Variants in DST observed in about 807,000 individuals in gnomAD.
DST encodes the protein bullous pemphigoid antigen.
DST carries 253 observed loss-of-function variants against 875.2 expected under a neutral mutation model. The ratio of observed to expected loss-of-function variants is 0.29; its 90% CI spans 0.26 to 0.32. The LOEUF (loss-of-function observed/expected upper bound fraction) is 0.32. Among genes scored for constraint, DST ranks in the 10% least tolerant of loss-of-function variants. The pLI is 1.00. For synonymous variants in DST, 3,124 were observed against 3,197.1 expected (o/e 0.98, Z 0.77); for missense variants, 8,287 against 9,111.6 (o/e 0.91, Z 3.68).
intron 4 of DST, among the ~76,000 whole-genome samples, chr6:56,751,356 T>C (rs895095984): frequency 8.5e-5 from 13 of 152,334 alleles, no homozygotes; most frequent in African/African-American, 3.1e-4. Context: ...TATGCCAATA[T>C]AACATTAGTA....
intron 49 of DST, among the ~76,000 whole-genome samples, chr6:56,590,716 C>T (rs1176127221): frequency 6.6e-6 from 1 of 152,176 alleles, no homozygotes; most frequent in Non-Finnish European, 1.5e-5. Flanking sequence ...CATCATCTCC[C>T]TAGTGTCCAG....
chr6:56,830,505 T>A (rs1033540182), intron 4 of DST, among the ~76,000 whole-genome samples: 3 of 152,340 alleles, frequency 2.0e-5, no homozygotes, highest in Middle Eastern at 3.4e-3. Context: ...TTCCATATTT[T>A]CCCCAAGTAC....
Position 56,460,246 on chromosome 6 carries a change from T to C in DST, c.23079A>G (p.Pro7693=), listed in dbSNP as rs370496665. The C allele has an allele frequency of 1.4e-4, 228 of 1,613,886 alleles. No homozygotes were observed. Among genetic ancestry groups the C allele is most frequent in the Non-Finnish European group, 1.8e-4 (208 of 1,179,882 alleles). Reference sequence around the variant, plus strand: ...GAAGTCGAAGCTTGCTTCCTTGTATTGGCGTTCCCTGTATTTAACCAGCAA... The same window carrying C: ...GAAGTCGAAGCTTGCTTCCTTGTATCGGCGTTCCCTGTATTTAACCAGCAA... ...DFPVPSAEGT[P]IQGSKLRLPG... is the part of the protein sequence containing the mutation. The change falls in exon 103 of 104, where the codon CCA becomes CCG. Residue 7693 remains proline (P), a synonymous_variant. Coordinates refer to ENST00000680361, the MANE Select transcript of DST (RefSeq NM_001374736.1).
intron 4 of DST, among the ~76,000 whole-genome samples, chr6:56,746,765 A>T (rs575092936): frequency 3.9e-5 from 6 of 152,184 alleles, no homozygotes; most frequent in Non-Finnish European, 8.8e-5. Context: ...ACTGTGAGGG[A>T]AAAATGTGTT....
At chr6:56,868,618 C>T (rs1022499730) in intron 3 of DST, among the ~76,000 whole-genome samples, 7 of 151,890 alleles carry the variant, frequency 4.6e-5, no homozygotes, top group Admixed American at 2.0e-4. Context: ...TTGTTAACTA[C>T]CAAAAACAAA....
chr6:56,792,077 A>G (rs35566812), intron 4 of DST, among the ~76,000 whole-genome samples: 25,293 of 152,118 alleles, frequency 0.17, 2,344 homozygotes, highest in Non-Finnish European at 0.19. Context: ...ACAGAAGCCA[A>G]CTTCAAAAGG....
chr6:56,516,565 T>C (rs900155368), intron 71 of DST, among the ~76,000 whole-genome samples: 1 of 152,132 alleles, frequency 6.6e-6, no homozygotes, highest in African/African-American at 2.4e-5. Flanking sequence ...GCATAGAGAT[T>C]CCTATTTTTT....
At position 56,607,389 on chromosome 6, in the gene DST, C is replaced by G. The variant is rs2098507870; in HGVS notation, c.7239G>C (p.Val2413=). 1 of 1,612,662 alleles carries G rather than the reference C, an allele frequency of 6.2e-7. No homozygotes were observed. The highest frequency in any genetic ancestry group is 1.3e-5 in the African/African-American group (1 of 75,022). ...TATTATCTTCATTCTCTGTTTCATT[C>G]ACACCACAGAATTTACTCATTTTTG... ...MKSKMSKFCG[V]NETENEDNTN... The change falls in exon 40 of 104, where the codon GTG becomes GTC. Residue 2413 remains valine (V), a synonymous_variant. Transcript: ENST00000680361.
intron 10 of DST, among the ~76,000 whole-genome samples, chr6:56,655,995 G>A: frequency 6.6e-6 from 1 of 152,190 alleles, no homozygotes; most frequent in East Asian, 1.9e-4. Flanking sequence ...AACTTTTGAG[G>A]ATTAAATAAA....
chr6:56,778,152 C>CT, intron 4 of DST, among the ~76,000 whole-genome samples: 1 of 152,034 alleles, frequency 6.6e-6, no homozygotes, highest in Non-Finnish European at 1.5e-5. Context: ...TAGCATAGTT[C>CT]TTTAAGTCAG....
intron 61 of DST, among the ~76,000 whole-genome samples, chr6:56,550,622 T>C (rs1157689751): frequency 6.6e-6 from 1 of 152,230 alleles, no homozygotes; most frequent in African/African-American, 2.4e-5. Context: ...CCAGTATTAT[T>C]ACTTTGTCCA....
chr6:56,867,973 C>T (rs1775065822), intron 3 of DST, among the ~76,000 whole-genome samples: 2 of 152,146 alleles, frequency 1.3e-5, no homozygotes, highest in African/African-American at 4.8e-5. Context: ...ATGGTGATTA[C>T]CCGTGTTCTA....
chr6:56,618,989 C>G (rs751239569), intron 36 of DST: 9 of 1,613,456 alleles, frequency 5.6e-6, no homozygotes, highest in Non-Finnish European at 5.9e-6. Flanking sequence ...ATTCAGATTT[C>G]TAACTTCTTT....
chr6:56,891,752 C>T (rs574243884), intron 3 of DST, among the ~76,000 whole-genome samples: 63 of 145,512 alleles, frequency 4.3e-4, no homozygotes, highest in African/African-American at 1.6e-3. Flanking sequence ...GAAAACTCCT[C>T]GGTGGAGCTT....
rs1379241979 is a variant in DST, at chr6:56,607,884, T to C, written c.6744A>G (p.Lys2248=). ...ATGAGCTTAAGACATCGAGACATTC[T>C]TTTATGGCTGTGTTTCCATCAAATT... ...HAEFDGNTAI[K]ECLDVLSSSG... Residue 2248 remains lysine, a synonymous_variant, in exon 40 of 104, where the codon AAA becomes AAG. Transcript: ENST00000680361. 1 of 1,613,578 alleles carries C rather than the reference T, an allele frequency of 6.2e-7. No homozygotes were observed. Among genetic ancestry groups the C allele is most frequent in the African/African-American group, 1.3e-5 (1 of 74,922 alleles).
chr6:56,833,470 T>C (rs573584455), intron 4 of DST, among the ~76,000 whole-genome samples: 54 of 152,280 alleles, frequency 3.5e-4, no homozygotes, highest in African/African-American at 1.3e-3. Context: ...TCCTAAGAGT[T>C]TTTAACTTTC....
chr6:56,482,274 G>GAA lies in DST; in HGVS notation c.21403-98_21403-97dup, dbSNP rs59837501. On this transcript the variant is annotated intron_variant, in intron 89 of 103. Transcript: ENST00000680361. ...TGTATAGTGGATTCATCCCTTCAAT[G>GAA]AAAAAAAAAAAGTTTTAAATTTAAT... The GAA allele has an allele frequency of 0.031, 32,896 of 1,075,008 alleles. 220 individuals carry two copies. The highest frequency in any genetic ancestry group is 0.036 in the Non-Finnish European group (29,770 of 828,088). The allele number at this position is 1,075,008 out of a possible 1,614,324, so 66.6% of individuals were successfully genotyped here. A position where few individuals can be genotyped will look rare whatever the true frequency, so the allele number is the denominator to read the frequency against.
intron 80 of DST, among the ~76,000 whole-genome samples, chr6:56,498,811 T>G (rs1428394550): frequency 6.6e-6 from 1 of 152,146 alleles, no homozygotes. Flanking sequence ...TGGAAGGCCC[T>G]AAAACTAACA....
chr6:56,493,406 C>T (rs2095812098), intron 83 of DST, among the ~76,000 whole-genome samples: 2 of 151,954 alleles, frequency 1.3e-5, no homozygotes, highest in African/African-American at 2.4e-5. Flanking sequence ...GACATTCATA[C>T]AATTAATTTG....
Sources: gnomAD v4.1 joint callset for allele counts (sites outside exome capture counted in the v4.1 genomes callset) on GRCh38, gnomAD v4.1.1 for gene constraint, MANE v1.5 for transcripts, NCBI Gene and HGNC (gene_info 2026-07-23, HGNC 2026-07-21) for gene names.